The following DTNBP1 variants were observed in gnomAD, a reference collection of about 807,000 sequenced individuals.
DTNBP1 encodes the protein dysbindin.
DTNBP1 carries 35 observed loss-of-function variants against 42.8 expected under a neutral mutation model. The observed-to-expected ratio is 0.82, with a 90% CI of 0.63 to 1.09. DTNBP1 has a LOEUF of 1.09. Among genes scored for constraint, DTNBP1 ranks in the 50% least tolerant of loss-of-function variants. The pLI is 0.00. For synonymous variants in DTNBP1, 171 were observed against 162.2 expected, an observed-to-expected ratio of 1.05 and a Z score of -0.41; for missense variants, 457 against 424.2, an observed-to-expected ratio of 1.08 and a Z score of -0.68.
chr6:15,650,463 T>C (rs774177813), intron 3 of DTNBP1, among the ~76,000 whole-genome samples: 4 of 151,980 alleles, frequency 2.6e-5, no homozygotes, highest in Non-Finnish European at 4.4e-5. Context: ...GTATTTTTAG[T>C]AAGAGACAGG....
At chr6:15,550,314 C>G (rs568731337) in intron 7 of DTNBP1, among the ~76,000 whole-genome samples, 1 of 152,040 alleles carries the variant, frequency 6.6e-6, no homozygotes, top group East Asian at 1.9e-4. Flanking sequence ...AATGGGTATA[C>G]TTTTTTGGCA....
At position 15,567,829 on chromosome 6, in the gene DTNBP1, C is replaced by T. The variant is rs1311125240; in HGVS notation, c.511+25230G>A. Among the ~76,000 whole-genome samples the T allele has an allele frequency of 2.6e-5, 4 of 152,050 alleles. No individual in the cohort carries two copies. In the East Asian group the frequency reaches 5.8e-4, roughly 22 times the overall value. On this transcript the variant is annotated intron_variant, in intron 7 of 9. Coordinates refer to ENST00000344537, the MANE Select transcript of DTNBP1 (RefSeq NM_032122.5). ...ATTTTATGGAGTTGGATTATTTCACCGACAAAACAATAATGTTAAAACTCC... is the reference window on the plus strand; with the variant it reads ...ATTTTATGGAGTTGGATTATTTCACTGACAAAACAATAATGTTAAAACTCC...
chr6:15,545,057 G>T (rs1190132143), intron 7 of DTNBP1, among the ~76,000 whole-genome samples: 1 of 152,006 alleles, frequency 6.6e-6, no homozygotes, highest in Non-Finnish European at 1.5e-5. Context: ...ATTTTTAACA[G>T]TTACATTTTT....
chr6:15,652,447 G>C (rs959270996), intron 1 of DTNBP1, among the ~76,000 whole-genome samples: 1 of 151,700 alleles, frequency 6.6e-6, no homozygotes, highest in South Asian at 2.1e-4. Context: ...CTCCCAAAAT[G>C]CTGGGATTAC....
intron 5 of DTNBP1, among the ~76,000 whole-genome samples, chr6:15,624,316 T>A (rs528282160): frequency 1.3e-5 from 2 of 152,310 alleles, no homozygotes; most frequent in South Asian, 4.1e-4. Context: ...GTTTTCCAGT[T>A]CCCAGCATAC....
intron 1 of DTNBP1, 28 bp from the exon 2 acceptor site, chr6:15,652,168 T>C (rs1385328632): frequency 6.6e-7 from 1 of 1,518,390 alleles, no homozygotes; most frequent in East Asian, 2.5e-5. Flanking sequence ...ATATAATATT[T>C]TTACAAGTCA....
At chr6:15,586,121 T>C (rs775365523) in intron 7 of DTNBP1, 242 of 825,098 alleles carry the variant, frequency 2.9e-4, no homozygotes, top group Non-Finnish European at 3.5e-4. Flanking sequence ...GGTACAAAGA[T>C]GCTTTAGTAA....
intron 1 of DTNBP1, among the ~76,000 whole-genome samples, chr6:15,658,200 G>A (rs985927374): frequency 6.6e-6 from 1 of 152,176 alleles, no homozygotes; most frequent in African/African-American, 2.4e-5. Flanking sequence ...CTATGAAAAA[G>A]GACACTTTGA....
chr6:15,524,340 G>A (rs539657273), intron 9 of DTNBP1, 186 bp downstream of exon 9: 49 of 1,612,402 alleles, frequency 3.0e-5, no homozygotes, highest in East Asian at 4.5e-5. Flanking sequence ...AATTCATGAC[G>A]GAACCACACC....
intron 6 of DTNBP1, among the ~76,000 whole-genome samples, chr6:15,599,084 A>G (rs1399737368): frequency 6.6e-6 from 1 of 152,300 alleles, no homozygotes; most frequent in East Asian, 1.9e-4. Flanking sequence ...GGTTGGCAGC[A>G]CTAAGTTATA....
chr6:15,609,324 C>CTT (rs1048507813), intron 6 of DTNBP1, among the ~76,000 whole-genome samples: 77 of 145,454 alleles, frequency 5.3e-4, no homozygotes, highest in African/African-American at 1.9e-3. Flanking sequence ...TACAATTTTT[C>CTT]TTTTTTTTTT....
intron 1 of DTNBP1, chr6:15,660,488 C>T (rs1482813670): frequency 1.6e-6 from 2 of 1,289,830 alleles, no homozygotes; most frequent in East Asian, 1.1e-4. Flanking sequence ...ATGGCACACA[C>T]TGACAGTCCA....
chr6:15,548,768 T>C (rs1480318251), intron 7 of DTNBP1, among the ~76,000 whole-genome samples: 2 of 152,096 alleles, frequency 1.3e-5, no homozygotes, highest in East Asian at 3.9e-4. Flanking sequence ...GCAGTTAATA[T>C]GTCAGCACAT....
At chr6:15,536,528 T>C (rs934085421) in intron 7 of DTNBP1, among the ~76,000 whole-genome samples, 1 of 152,260 alleles carries the variant, frequency 6.6e-6, no homozygotes, top group Non-Finnish European at 1.5e-5. Flanking sequence ...CTGTTAGGCC[T>C]GCGGGTGCAC....
At chr6:15,585,946 C>G in intron 7 of DTNBP1, 2 of 1,358,114 alleles carry the variant, frequency 1.5e-6, no homozygotes, top group Non-Finnish European at 1.9e-6. Context: ...ATGGCTTAAG[C>G]AGATATACAT....
In DTNBP1 at chr6:15,533,254, A is replaced by G. The variant is rs147011671; in HGVS notation, c.653T>C (p.Ile218Thr). The change falls in exon 8 of 10, where the codon ATT (isoleucine) becomes ACT (threonine). Residue 218 changes from isoleucine to threonine, a missense_variant. Physicochemically the swap from Ile to Thr is moderately conservative, Grantham distance 89. Transcript: ENST00000344537. ...CCCCCACTCGCCTCGCCGCTCTGCA[A>G]TCTGCAGGTAGCCAGTGGACAGGTA... is the stretch of plus-strand genomic sequence containing the variant. Reference protein sequence around the residue: ...EQYLSTGYLQIAERREPIGSM... With the variant: ...EQYLSTGYLQTAERREPIGSM... The G allele has an allele frequency of 3.7e-6, 6 of 1,613,950 alleles. No individual in the cohort carries two copies. The African/African-American group carries it at 6.7e-5, about 18-fold the overall frequency.
rs766496387 is a variant in DTNBP1 at position 15,523,834 on chromosome 6, CAGG to C, written c.812-618_812-616del. 1.3e-5 allele frequency: 17 copies of C among 1,287,188 alleles called. No individual in the cohort carries two copies. In the South Asian group the frequency reaches 2.1e-4, roughly 16 times the overall value. The allele number at this position is 1,287,188 out of a possible 1,614,324, so 79.7% of individuals were successfully genotyped here. On this transcript the variant is annotated intron_variant, in intron 9 of 9. Coordinates refer to ENST00000344537, the MANE Select transcript of DTNBP1 (RefSeq NM_032122.5). ...GGATGACACCGTTCTGACAGATTGC[CAGG>C]AGAAGCGGGTGAGAAGTTTAGAGGA... is the stretch of plus-strand genomic sequence containing the variant.
At chr6:15,552,385 T>C (rs1254316850) in intron 7 of DTNBP1, among the ~76,000 whole-genome samples, 1 of 152,222 alleles carries the variant, frequency 6.6e-6, no homozygotes, top group Non-Finnish European at 1.5e-5. Context: ...TGAAGGAATA[T>C]TGAGGGTTTA....
chr6:15,527,339 GA>G (rs1355906159), intron 8 of DTNBP1, among the ~76,000 whole-genome samples: 1 of 152,136 alleles, frequency 6.6e-6, no homozygotes, highest in Non-Finnish European at 1.5e-5. Flanking sequence ...AAGAGAAATC[GA>G]AATCCCATTC....
Sources: gnomAD v4.1 joint callset for allele counts (sites outside exome capture counted in the v4.1 genomes callset) on GRCh38, gnomAD v4.1.1 for gene constraint, MANE v1.5 for transcripts, NCBI Gene and HGNC (gene_info 2026-07-23, HGNC 2026-07-21) for gene names.